Variants in WDR73 observed in about 807,000 individuals in gnomAD.
The protein encoded by WDR73 is WD repeat domain 73, also known as integrator complex assembly factor WDR73.
Under a neutral mutation model 38.2 loss-of-function variants are expected in WDR73, and 30 were observed. The observed-to-expected ratio is 0.79, with a 90% confidence interval of 0.59 to 1.06. The LOEUF is 1.06. WDR73 is among the 50% of genes least tolerant of loss of function. WDR73 has a pLI of 0.00. For synonymous variants in WDR73, 197 were observed against 176.0 expected (o/e 1.12, Z -0.94); for missense variants, 487 against 467.0 (o/e 1.04, Z -0.40).
Position 84,645,546 on chromosome 15 carries a change from A to AT in WDR73, c.807dup (p.Ser270IlefsTer4). On this transcript the variant is annotated frameshift_variant, in exon 7 of 8. Coordinates refer to ENST00000434634, the MANE Select transcript of WDR73 (RefSeq NM_032856.5). LOFTEE classifies it high-confidence loss of function. ...AGCTCTGGGTCAGGGCTAGGTACGG[A>AT]TACTGGGCACTGGACTGAGCTCACA... is the stretch of plus-strand genomic sequence containing the variant. 1 of 1,612,106 alleles carries AT rather than the reference A, an allele frequency of 6.2e-7. No homozygotes were observed. Among genetic ancestry groups the AT allele is most frequent in the Non-Finnish European group, 8.5e-7 (1 of 1,179,052 alleles).
intron 5 of WDR73, 195 bp from the exon 6 acceptor site, chr15:84,646,543 T>G: frequency 1.2e-6 from 1 of 833,118 alleles, no homozygotes; most frequent in East Asian, 3.0e-5. Flanking sequence ...CATTTCAATT[T>G]CTTTATTATT....
intron 3 of WDR73, among the ~76,000 whole-genome samples, chr15:84,652,371 GTCC>G (rs1896652040): frequency 6.6e-6 from 1 of 152,052 alleles, no homozygotes; most frequent in Non-Finnish European, 1.5e-5. Flanking sequence ...CTGAGGTTCC[GTCC>G]TCACTATATT....
chr15:84,650,439 C>T (rs1896587064), intron 3 of WDR73, among the ~76,000 whole-genome samples: 1 of 152,136 alleles, frequency 6.6e-6, no homozygotes, highest in South Asian at 2.1e-4. Flanking sequence ...TGGCTCACTG[C>T]AAGCTCCACC....
At chr15:84,645,897 A>G (rs751209853) in intron 6 of WDR73, 61 bp from the exon 7 acceptor site, 3 of 1,607,436 alleles carry the variant, frequency 1.9e-6, no homozygotes, top group Non-Finnish European at 2.5e-6. Context: ...GCAATTTGGC[A>G]GGGCTGGCTG....
intron 3 of WDR73, among the ~76,000 whole-genome samples, chr15:84,651,041 G>C (rs1244257523): frequency 2.6e-5 from 4 of 151,990 alleles, no homozygotes; most frequent in African/African-American, 9.7e-5. Context: ...CTTGAGCCCA[G>C]GAGGCAGAGG....
At chr15:84,646,756 A>C (rs1164810630) in intron 5 of WDR73, 1 of 180,860 alleles carries the variant, frequency 5.5e-6, no homozygotes, top group Non-Finnish European at 1.2e-5. Context: ...AACATGTTCC[A>C]TGACCTCGAG....
At position 84,651,433 on chromosome 15, in the gene WDR73, A is replaced by G. The variant is rs138905065; in HGVS notation, c.198+1281T>C. 3.9e-3 allele frequency among the ~76,000 whole-genome samples: 589 copies of G among 152,248 alleles called. 3 individuals carry two copies. The highest frequency in any genetic ancestry group is 0.014 in the African/African-American group (563 of 41,542). Reference sequence around the variant, plus strand: ...CAGAGCAAGCCCTTGTCTCAAAACAAAAAGGAATTCAGGAGCAAACACTCA... The same window carrying G: ...CAGAGCAAGCCCTTGTCTCAAAACAGAAAGGAATTCAGGAGCAAACACTCA... On this transcript the variant is annotated intron_variant, in intron 3 of 7. Transcript: ENST00000434634.
intron 3 of WDR73, among the ~76,000 whole-genome samples, chr15:84,649,387 A>G (rs1896555736): frequency 6.6e-6 from 1 of 151,682 alleles, no homozygotes; most frequent in African/African-American, 2.4e-5. Flanking sequence ...CTGACTGGAG[A>G]TGGGGAAGAT....
chr15:84,652,090 ACTC>A (rs772496265), intron 3 of WDR73, among the ~76,000 whole-genome samples: 6 of 152,056 alleles, frequency 3.9e-5, no homozygotes, highest in Non-Finnish European at 7.4e-5. Flanking sequence ...ATGGTCCCGA[ACTC>A]CTGACCTCAT....
chr15:84,646,099 T>C (rs148946855), intron 6 of WDR73, 85 bp downstream of exon 6: 38 of 1,593,878 alleles, frequency 2.4e-5, no homozygotes, highest in Non-Finnish European at 3.1e-5. Flanking sequence ...GCACAGAGAG[T>C]TGAACTCAGT....
At chr15:84,653,327 G>T (rs867775574) in intron 2 of WDR73, 26 of 312,852 alleles carry the variant, frequency 8.3e-5, no homozygotes, top group Middle Eastern at 2.2e-3. Flanking sequence ...GCACCACCTC[G>T]TCCGGCTAAT....
rs1217667597 is a variant in WDR73, at chr15:84,642,653, C to CA, written c.*816dup. ...AGCTAACTTGTATTTTTAGTAGAGA[C>CA]AAGGTTTCGCCATGTTGCTCAGGCT... On this transcript the variant is annotated 3_prime_UTR_variant, in exon 8 of 8. Transcript: ENST00000434634. The CA allele has an allele frequency of 6.6e-6, 1 of 152,094 alleles. No individual in the cohort carries two copies. Among genetic ancestry groups the CA allele is most frequent in the Non-Finnish European group, 1.5e-5 (1 of 68,066 alleles). 9.4% of individuals were successfully genotyped at this position (152,094 alleles called of 1,614,324 possible). A position where few individuals can be genotyped will look rare whatever the true frequency, so the allele number is the denominator to read the frequency against.
At chr15:84,653,815 C>G in intron 1 of WDR73, 116 bp from the exon 2 acceptor site, 1 of 795,632 alleles carries the variant, frequency 1.3e-6, no homozygotes, top group South Asian at 1.5e-5. Context: ...AGACGTGGGA[C>G]TGAGTTTACT....
In WDR73 at chr15:84,645,513, C is replaced by T; in HGVS notation, c.841G>A (p.Val281Met). ...TTCTTCAGGCCTGGGGCCCAAGTCA[C>T]TCGCAGCAGCTCTGGGTCAGGGCTA... Reference protein sequence around the residue: ...VPSPDPELLRVTWAPGLKNCL... With the variant: ...VPSPDPELLRMTWAPGLKNCL... Residue 281 changes from valine (V) to methionine (M), a missense_variant, in exon 7 of 8, where the codon GTG becomes ATG. By Grantham distance (21) the Val-to-Met change is conservative (BLOSUM62 1). Coordinates refer to ENST00000434634, the MANE Select transcript of WDR73 (RefSeq NM_032856.5). 2 of 1,612,332 alleles carry T rather than the reference C, an allele frequency of 1.2e-6. No individual in the cohort carries two copies. Among genetic ancestry groups the T allele is most frequent in the African/African-American group, 1.3e-5 (1 of 75,034 alleles).
intron 3 of WDR73, among the ~76,000 whole-genome samples, chr15:84,649,289 G>T: frequency 6.6e-6 from 1 of 152,180 alleles, no homozygotes; most frequent in Non-Finnish European, 1.5e-5. Context: ...GGTGGCCATA[G>T]AAGAAACAAG....
chr15:84,653,484 G>C, intron 2 of WDR73, 148 bp downstream of exon 2: 2 of 610,444 alleles, frequency 3.3e-6, no homozygotes, highest in South Asian at 3.7e-5. Context: ...ATCTTAATAA[G>C]AGGAATATTA....
intron 3 of WDR73, among the ~76,000 whole-genome samples, chr15:84,650,355 TTTTC>T (rs1054507495): frequency 2.5e-4 from 5 of 20,356 alleles, no homozygotes; most frequent in African/African-American, 1.7e-3. Flanking sequence ...ACCCGGCTAA[TTTTC>T]TTTTTCTTTT....
chr15:84,653,435 G>T (rs1335460619), intron 2 of WDR73, 197 bp downstream of exon 2: 1 of 498,730 alleles, frequency 2.0e-6, no homozygotes, highest in African/African-American at 2.0e-5. Context: ...CTCCCAAAGT[G>T]CTGGGATTAC....
intron 3 of WDR73, among the ~76,000 whole-genome samples, chr15:84,649,536 C>A (rs1236689395): frequency 6.6e-6 from 1 of 150,850 alleles, no homozygotes; most frequent in East Asian, 2.0e-4. Context: ...GTGGCGTGAT[C>A]TTGGCTCACT....
Sources: gnomAD v4.1 joint callset for allele counts (sites outside exome capture counted in the v4.1 genomes callset) on GRCh38, gnomAD v4.1.1 for gene constraint, MANE v1.5 for transcripts, NCBI Gene and HGNC (gene_info 2026-07-23, HGNC 2026-07-21) for gene names.